The following EML1 variants were observed in gnomAD, a reference collection of about 807,000 sequenced individuals.
EML1 encodes EMAP like 1.
EML1 carries 27 observed loss-of-function variants against 110.4 expected under a neutral mutation model. That is an observed-to-expected ratio of 0.24 (90% CI 0.18 to 0.34). The LOEUF (loss-of-function observed/expected upper bound fraction) is 0.34, where lower values mean the gene tolerates loss of function less well. EML1 is among the 10% of genes least tolerant of loss of function. The probability of loss-of-function intolerance (pLI) is 1.00; values close to 1 mark genes in which losing one functional copy is unlikely to be tolerated. For missense variants in EML1, 741 were observed against 1,030.9 expected (o/e 0.72, Z 3.85); for synonymous variants, 344 against 385.8 (o/e 0.89, Z 1.27).
intron 4 of EML1, among the ~76,000 whole-genome samples, chr14:99,887,089 T>C (rs2059490177): frequency 6.6e-6 from 1 of 152,344 alleles, no homozygotes; most frequent in South Asian, 2.1e-4. Context: ...TGCTGTCTGT[T>C]GGTGTGAGTT....
At position 99,867,739 on chromosome 14, in the gene EML1, T is replaced by C. The variant is rs10130472; in HGVS notation, c.383+2093T>C. On this transcript the variant is annotated intron_variant, in intron 3 of 21. Coordinates refer to ENST00000262233, the MANE Select transcript of EML1 (RefSeq NM_004434.3). ...TTCTTCTGGAATCTTTAGGGTTTTC[T>C]AAATATAAGATTCTGTCATCTGTAG... Among the ~76,000 whole-genome samples, 755 of 152,324 alleles carry C rather than the reference T, an allele frequency of 5.0e-3. 9 individuals are homozygous for C. The highest frequency in any genetic ancestry group is 0.016 in the African/African-American group (679 of 41,574).
rs2059684507 is a variant in EML1 at position 99,897,162 on chromosome 14, G to A, written c.695G>A (p.Arg232Gln). ...KLEWVYGYRG[R>Q]DCRNNLYLLP... The stretch of plus-strand genomic sequence containing the variant: ...CCACAAAGCTATGGGTACAGGGGTC[G>A]AGACTGCCGTAACAACCTGTACTTG... The change falls in exon 7 of 22, where the codon CGA (arginine) becomes CAA (glutamine). Residue 232 changes from arginine (R) to glutamine (Q), a missense_variant. Physicochemically the swap from Arg to Gln is conservative, Grantham distance 43 (BLOSUM62 1). Around this residue, in one of 4 missense-constraint regions of EML1, gnomAD observed 13 missense variants for 47.2 expected, o/e 0.28. Transcript: ENST00000262233. The A allele has an allele frequency of 6.2e-7, 1 of 1,609,458 alleles. No individual in the cohort carries two copies. Among genetic ancestry groups the A allele is most frequent in the Non-Finnish European group, 8.5e-7 (1 of 1,178,040 alleles).
intron 1 of EML1, among the ~76,000 whole-genome samples, chr14:99,813,738 TGGA>T (rs1414915707): frequency 1.3e-5 from 2 of 152,078 alleles, no homozygotes; most frequent in Non-Finnish European, 2.9e-5. Context: ...ACTATAGAGA[TGGA>T]GGAGGACTGG....
Position 99,935,696 on chromosome 14 carries a change from T to C in EML1, c.1910-333T>C, listed in dbSNP as rs556394472. ...TACTCGGGAGGCTGAGGCAGGAGAA[T>C]GGCGTGAACCCGGGAGGCAGAGCTT... On this transcript the variant is annotated intron_variant, in intron 17 of 21. Coordinates refer to ENST00000262233, the MANE Select transcript of EML1 (RefSeq NM_004434.3). 5.0e-5 allele frequency among the ~76,000 whole-genome samples: 7 copies of C among 140,802 alleles called. No individual in the cohort carries two copies. In the South Asian group the frequency reaches 1.5e-3, roughly 31 times the overall value. 92.4% of individuals were successfully genotyped at this position (140,802 alleles called of 152,430 possible).
chr14:99,769,010 G>T (rs537600653), upstream of EML1, among the ~76,000 whole-genome samples: 3 of 152,090 alleles, frequency 2.0e-5, no homozygotes, highest in Non-Finnish European at 4.4e-5. Context: ...AAGCCACCAC[G>T]CCTGGCCTGC....
At chr14:99,803,054 G>A (rs373002648) in intron 1 of EML1, among the ~76,000 whole-genome samples, 45 of 152,054 alleles carry the variant, frequency 3.0e-4, no homozygotes, top group African/African-American at 9.9e-4. Flanking sequence ...GGCCTGTCAC[G>A]GAGGTTTATT....
At chr14:99,749,115 T>G (rs983870119) in intron 1 of EML1, among the ~76,000 whole-genome samples, 1 of 152,250 alleles carries the variant, frequency 6.6e-6, no homozygotes, top group African/African-American at 2.4e-5. Flanking sequence ...AACGCTGCTA[T>G]GAACACTCGT....
chr14:99,888,505 C>T (rs1291011055), intron 4 of EML1, among the ~76,000 whole-genome samples: 2 of 152,198 alleles, frequency 1.3e-5, no homozygotes, highest in African/African-American at 4.8e-5. Flanking sequence ...ATTAGATTTG[C>T]CTCGTAGTCT....
chr14:99,906,206 A>C (rs543721781), intron 9 of EML1, among the ~76,000 whole-genome samples: 2 of 152,164 alleles, frequency 1.3e-5, no homozygotes, highest in Non-Finnish European at 2.9e-5. Flanking sequence ...ATGTGATCAT[A>C]AAGGGGTCCC....
chr14:99,854,360 G>A (rs1403301123), intron 2 of EML1, among the ~76,000 whole-genome samples: 11 of 152,196 alleles, frequency 7.2e-5, no homozygotes, highest in African/African-American at 2.4e-4. Context: ...CTAGTATAAC[G>A]ATGAGAACTG....
chr14:99,741,780 C>T (rs1169383851), intron 1 of EML1, among the ~76,000 whole-genome samples: 1 of 152,150 alleles, frequency 6.6e-6, no homozygotes, highest in Non-Finnish European at 1.5e-5. Flanking sequence ...AAGGAGGTCG[C>T]ACTGCTCTCT....
chr14:99,848,938 G>C (rs1370134188), intron 1 of EML1, among the ~76,000 whole-genome samples: 1 of 148,854 alleles, frequency 6.7e-6, no homozygotes, highest in Non-Finnish European at 1.5e-5. Flanking sequence ...ACTGCAGCCT[G>C]GGCAACGGAG....
At chr14:99,909,203 T>G in intron 10 of EML1, 142 bp from the exon 11 acceptor site, 1 of 1,281,314 alleles carries the variant, frequency 7.8e-7, no homozygotes, top group Non-Finnish European at 1.1e-6. Flanking sequence ...TTTAGCAAGA[T>G]GGATTCAATG....
rs755447309 is a variant in EML1, at chr14:99,917,751, A to G, written c.1753-31A>G. On this transcript the variant is annotated intron_variant, in intron 15 of 21. Transcript: ENST00000262233. The stretch of plus-strand genomic sequence containing the variant: ...TTATGCTATAGTGTTCTATCTGTTC[A>G]TCAATTTACACTTCCTTTAAAATAT... 6 of 1,610,376 alleles carry G rather than the reference A, an allele frequency of 3.7e-6. No individual in the cohort carries two copies. In the South Asian group the frequency reaches 6.6e-5, roughly 18 times the overall value.
At chr14:99,909,065 G>A (rs1482431552) in intron 10 of EML1, among the ~76,000 whole-genome samples, 1 of 152,144 alleles carries the variant, frequency 6.6e-6, no homozygotes, top group Admixed American at 6.5e-5. Context: ...CCCATGCCTG[G>A]CCCTGGGAGA....
chr14:99,770,779 A>ATTTTTTTTTTTGTTT (rs2057417686), upstream of EML1, among the ~76,000 whole-genome samples: 1 of 91,640 alleles, frequency 1.1e-5, no homozygotes, highest in Non-Finnish European at 2.0e-5. Context: ...GTTTCCGCTG[A>ATTTTTTTTTTTGTTT]TTTTTTTTTT....
intron 1 of EML1, among the ~76,000 whole-genome samples, chr14:99,819,296 A>G (rs2139739380): frequency 6.6e-6 from 1 of 152,328 alleles, no homozygotes; most frequent in Non-Finnish European, 1.5e-5. Flanking sequence ...ATGATATTTT[A>G]TGAGAATACA....
At chr14:99,850,158 C>A in intron 1 of EML1, 2 of 518,784 alleles carry the variant, frequency 3.9e-6, no homozygotes, top group Non-Finnish European at 6.8e-6. Context: ...AGGCTGATAT[C>A]AAACTCCTGC....
At chr14:99,765,635 G>A (rs981680169) in intron 1 of EML1, among the ~76,000 whole-genome samples, 2 of 151,754 alleles carry the variant, frequency 1.3e-5, no homozygotes, top group African/African-American at 4.8e-5. Flanking sequence ...ACAGAGTCTG[G>A]CTCTTTCGCC....
Sources: gnomAD v4.1 joint callset for allele counts (sites outside exome capture counted in the v4.1 genomes callset) on GRCh38, gnomAD v4.1.1 for gene constraint, gnomAD v4.1.1 regional missense constraint, MANE v1.5 for transcripts, NCBI Gene and HGNC (gene_info 2026-07-23, HGNC 2026-07-21) for gene names.